The following IL1RAPL2 variants were observed in gnomAD, a reference collection of about 807,000 sequenced individuals.
The protein encoded by IL1RAPL2 is X-linked interleukin-1 receptor accessory protein-like 2.
Under a neutral mutation model 44.1 loss-of-function variants are expected in IL1RAPL2, and 3 were observed. The ratio of observed to expected loss-of-function variants is 0.07; its 90% confidence interval spans 0.03 to 0.18. The LOEUF is 0.18. Ranked by LOEUF, IL1RAPL2 falls within the 10% of genes least tolerant of loss-of-function variation. The pLI is 1.00. For missense variants in IL1RAPL2, 391 were observed against 496.4 expected (o/e 0.79, Z 2.02); for synonymous variants, 181 against 178.8 (o/e 1.01, Z -0.10).
chrX:105,604,672 A>G (rs1041640828), intron 6 of IL1RAPL2, among the ~76,000 whole-genome samples: 3 of 111,284 alleles, frequency 2.7e-5, no homozygotes, highest in African/African-American at 9.8e-5. Context: ...CTCTGAAACC[A>G]AAACCAGACA....
intron 5 of IL1RAPL2, among the ~76,000 whole-genome samples, chrX:105,404,463 T>C (rs777568898): frequency 2.7e-5 from 3 of 112,037 alleles, no homozygotes; most frequent in African/African-American, 9.7e-5. Context: ...ATTTCTAATA[T>C]GTAATTCATT....
chrX:104,911,381 G>T (rs758159885), intron 2 of IL1RAPL2, among the ~76,000 whole-genome samples: 3 of 111,869 alleles, frequency 2.7e-5, no homozygotes, highest in Non-Finnish European at 5.6e-5. Flanking sequence ...AGGTGAAAAT[G>T]TCTGAAACAA....
At chrX:104,980,021 A>C (rs2030407890) in intron 2 of IL1RAPL2, among the ~76,000 whole-genome samples, 1 of 112,185 alleles carries the variant, frequency 8.9e-6, no homozygotes, top group East Asian at 2.8e-4. Context: ...CGCATGTTCA[A>C]GGGTACTCAT....
chrX:104,918,722 A>C (rs952983602), intron 2 of IL1RAPL2, among the ~76,000 whole-genome samples: 2 of 112,293 alleles, frequency 1.8e-5, no homozygotes, highest in African/African-American at 6.5e-5. Flanking sequence ...AAATTAATAG[A>C]GGACAAAATG....
chrX:105,396,170 T>C (rs2035561243), intron 5 of IL1RAPL2, among the ~76,000 whole-genome samples: 1 of 110,325 alleles, frequency 9.1e-6, no homozygotes, highest in Non-Finnish European at 1.9e-5. Flanking sequence ...AAGATAAATT[T>C]GTGAGGTATT....
intron 5 of IL1RAPL2, among the ~76,000 whole-genome samples, chrX:105,278,919 A>G (rs2034506656): frequency 9.0e-6 from 1 of 111,483 alleles, no homozygotes; most frequent in African/African-American, 3.3e-5. Flanking sequence ...CCTCTTTGCT[A>G]CTACATGTTT....
chrX:105,051,667 C>T (rs1311313631), intron 2 of IL1RAPL2, among the ~76,000 whole-genome samples: 1 of 113,159 alleles, frequency 8.8e-6, no homozygotes, highest in Admixed American at 9.2e-5. Context: ...CCTGCCCTAA[C>T]TCAGAAAGGG....
chrX:105,451,273 A>G (rs73527152), intron 5 of IL1RAPL2, among the ~76,000 whole-genome samples: 1,467 of 111,694 alleles, frequency 0.013, 22 homozygotes, highest in African/African-American at 0.045. Flanking sequence ...GGCTTTAAAC[A>G]TCGCTATCTC....
chrX:105,600,047 AT>A (rs1259910651), intron 6 of IL1RAPL2, among the ~76,000 whole-genome samples: 1 of 111,056 alleles, frequency 9.0e-6, no homozygotes, highest in African/African-American at 3.3e-5. Context: ...TATGATAGTA[AT>A]TTTTTTCTTT....
intron 2 of IL1RAPL2, among the ~76,000 whole-genome samples, chrX:105,036,986 C>T (rs61363484): frequency 0.069 from 7,660 of 111,634 alleles, 700 homozygotes; most frequent in African/African-American, 0.24. Context: ...AAGTTAACTC[C>T]CCATATGCTT....
At chrX:105,040,446 A>C (rs2031710232) in intron 2 of IL1RAPL2, among the ~76,000 whole-genome samples, 1 of 111,556 alleles carries the variant, frequency 9.0e-6, no homozygotes, top group Admixed American at 9.5e-5. Context: ...GAATAGTTTC[A>C]GAAGGAATGG....
intron 2 of IL1RAPL2, among the ~76,000 whole-genome samples, chrX:104,790,785 CAGTG>C (rs1001401615): frequency 1.3e-4 from 15 of 111,241 alleles, no homozygotes; most frequent in African/African-American, 4.6e-4. Flanking sequence ...ACCTTTTTCA[CAGTG>C]GTTTATTAGG....
intron 3 of IL1RAPL2, among the ~76,000 whole-genome samples, chrX:105,199,468 G>T (rs1239733547): frequency 9.1e-6 from 1 of 110,453 alleles, no homozygotes; most frequent in African/African-American, 3.3e-5. Flanking sequence ...TGGTTGCTAG[G>T]TATGCTCATT....
chrX:105,378,073 A>G (rs1230324806), intron 5 of IL1RAPL2, among the ~76,000 whole-genome samples: 1 of 112,077 alleles, frequency 8.9e-6, no homozygotes, highest in Non-Finnish European at 1.9e-5. Context: ...GCTTATCTAC[A>G]CTGTATAGAT....
At chrX:104,900,041 T>C (rs186028438) in intron 2 of IL1RAPL2, among the ~76,000 whole-genome samples, 1 of 111,965 alleles carries the variant, frequency 8.9e-6, no homozygotes, top group African/African-American at 3.2e-5. Flanking sequence ...ATTTTAATTA[T>C]TAGCGAACTT....
intron 2 of IL1RAPL2, among the ~76,000 whole-genome samples, chrX:104,886,908 A>C (rs903141276): frequency 5.3e-5 from 6 of 112,180 alleles, no homozygotes; most frequent in African/African-American, 1.9e-4. Flanking sequence ...TTTGGCTACC[A>C]GTTTGGAAAC....
chrX:105,214,536 A>C (rs1329813993), intron 3 of IL1RAPL2, among the ~76,000 whole-genome samples: 1 of 110,977 alleles, frequency 9.0e-6, no homozygotes, highest in Non-Finnish European at 1.9e-5. Flanking sequence ...GGGAGACATT[A>C]ACACCCCACT....
At chrX:105,372,471 G>A (rs1239539225) in intron 5 of IL1RAPL2, among the ~76,000 whole-genome samples, 1 of 109,909 alleles carries the variant, frequency 9.1e-6, no homozygotes, top group Non-Finnish European at 1.9e-5. Flanking sequence ...CAGCTTAAAT[G>A]TGGGTTCCTA....
intron 6 of IL1RAPL2, among the ~76,000 whole-genome samples, chrX:105,634,364 A>G (rs928733778): frequency 9.0e-6 from 1 of 111,434 alleles, no homozygotes; most frequent in Non-Finnish European, 1.9e-5. Flanking sequence ...GAAACCACAC[A>G]AAGAAATGCC....
Sources: gnomAD v4.1 joint callset for allele counts (sites outside exome capture counted in the v4.1 genomes callset) on GRCh38, gnomAD v4.1.1 for gene constraint, MANE v1.5 for transcripts, NCBI Gene and HGNC (gene_info 2026-07-23, HGNC 2026-07-21) for gene names.